Variants in BRWD3 observed in about 807,000 individuals in gnomAD.
BRWD3 encodes the protein bromodomain and WD repeat domain containing 3.
BRWD3 carries 10 observed loss-of-function variants against 149.7 expected under a neutral mutation model. The ratio of observed to expected loss-of-function variants is 0.07; its 90% CI spans 0.04 to 0.11. The LOEUF (loss-of-function observed/expected upper bound fraction) is 0.11, where lower values mean the gene tolerates loss of function less well. Ranked by LOEUF, BRWD3 falls within the 10% of genes least tolerant of loss-of-function variation. The pLI is 1.00. For missense variants in BRWD3, 940 were observed against 1,373.2 expected, an observed-to-expected ratio of 0.68 and a Z score of 4.99; for synonymous variants, 504 against 456.7, an observed-to-expected ratio of 1.10 and a Z score of -1.32.
In BRWD3 at chrX:80,692,171, G is replaced by A. The variant is rs192291441; in HGVS notation, c.3264-21C>T. ...CCCAGCTATTAAAAAATAAGAAGAT[G>A]CAAATCAAATTAATCATATAGTACT... On this transcript the variant is annotated intron_variant, in intron 28 of 40. Coordinates refer to ENST00000373275, the MANE Select transcript of BRWD3 (RefSeq NM_153252.5). The A allele has an allele frequency of 2.6e-6, 3 of 1,167,353 alleles. No individual in the cohort carries two copies. The East Asian group carries it at 8.9e-5, about 35-fold the overall frequency.
At chrX:80,706,464 A>AT (rs763900465) in intron 22 of BRWD3, among the ~76,000 whole-genome samples, 19 of 111,002 alleles carry the variant, frequency 1.7e-4, no homozygotes, top group Middle Eastern at 4.6e-3. Flanking sequence ...AAGGTTTAAA[A>AT]TTTTTTTTTA....
chrX:80,779,701 C>T (rs948608295), intron 6 of BRWD3, among the ~76,000 whole-genome samples: 2 of 111,621 alleles, frequency 1.8e-5, no homozygotes, highest in Non-Finnish European at 3.8e-5. Context: ...ACGAAAGCGA[C>T]AAAAATGAAT....
At chrX:80,735,273 T>C in intron 9 of BRWD3, 76 bp from the exon 10 acceptor site, 1 of 779,946 alleles carries the variant, frequency 1.3e-6, no homozygotes, top group Non-Finnish European at 2.0e-6. Flanking sequence ...CACTACTGGA[T>C]ACTGATCAAT....
intron 4 of BRWD3, among the ~76,000 whole-genome samples, chrX:80,808,070 G>A (rs867342292): frequency 7.7e-5 from 1 of 12,988 alleles, no homozygotes; most frequent in Non-Finnish European, 1.5e-4. Flanking sequence ...CTGCCCCCCC[G>A]CCCCCCCCAA....
At chrX:80,781,501 C>T (rs773951921) in intron 6 of BRWD3, among the ~76,000 whole-genome samples, 10 of 111,033 alleles carry the variant, frequency 9.0e-5, no homozygotes, top group Non-Finnish European at 1.7e-4. Context: ...TCTCAGTCCC[C>T]CCTCTCAACA....
intron 22 of BRWD3, among the ~76,000 whole-genome samples, chrX:80,706,892 C>A (rs1025116404): frequency 8.9e-6 from 1 of 112,457 alleles, no homozygotes. Context: ...AATGAAGAAA[C>A]CGTAATAATA....
rs183718873 is a variant in BRWD3, at chrX:80,782,701, C to T, written c.430+9153G>A. Among the ~76,000 whole-genome samples the T allele has an allele frequency of 2.4e-3, 268 of 110,645 alleles. 1 individual carries two copies. The highest frequency in any genetic ancestry group is 8.5e-3 in the African/African-American group (258 of 30,398). On this transcript the variant is annotated intron_variant, in intron 6 of 40. Coordinates refer to ENST00000373275, the MANE Select transcript of BRWD3 (RefSeq NM_153252.5). ...ATCACTTGAGGCCAGGAGTTTGAAA[C>T]CAGACTGGTTAACACAGTGAGACCC...
chrX:80,772,448 T>C (rs1331758933), intron 6 of BRWD3, among the ~76,000 whole-genome samples: 1 of 110,370 alleles, frequency 9.1e-6, no homozygotes, highest in Non-Finnish European at 1.9e-5. Flanking sequence ...GCGGGGAACA[T>C]CACACCCTGG....
At chrX:80,809,408 A>C (rs2074385854) in intron 1 of BRWD3, 33 bp downstream of exon 1, 1 of 1,066,719 alleles carries the variant, frequency 9.4e-7, no homozygotes, top group Non-Finnish European at 1.3e-6. Context: ...CCATTCCCTT[A>C]GCACCCCCCC....
chrX:80,685,569 G>GACA (rs781438726), intron 35 of BRWD3, 33 bp from the exon 36 acceptor site: 5 of 1,067,639 alleles, frequency 4.7e-6, no homozygotes, highest in Non-Finnish European at 6.5e-6. Flanking sequence ...CTGGTTTCCA[G>GACA]ACAACTATAA....
At chrX:80,795,883 T>G (rs933782302) in intron 4 of BRWD3, among the ~76,000 whole-genome samples, 1 of 110,573 alleles carries the variant, frequency 9.0e-6, no homozygotes, top group Non-Finnish European at 1.9e-5. Flanking sequence ...GTGAACTGTG[T>G]TCATGTCACT....
intron 4 of BRWD3, among the ~76,000 whole-genome samples, chrX:80,794,693 C>T (rs917445803): frequency 9.1e-6 from 1 of 110,011 alleles, no homozygotes; most frequent in African/African-American, 3.3e-5. Flanking sequence ...ACAACATTTA[C>T]ATGGCATGGC....
intron 6 of BRWD3, among the ~76,000 whole-genome samples, chrX:80,762,195 A>C (rs977313094): frequency 8.9e-6 from 1 of 111,836 alleles, no homozygotes; most frequent in African/African-American, 3.2e-5. Flanking sequence ...ACAAGCAAAC[A>C]TGTTTTGCCT....
At chrX:80,765,616 A>T (rs2073850087) in intron 6 of BRWD3, among the ~76,000 whole-genome samples, 1 of 111,903 alleles carries the variant, frequency 8.9e-6, no homozygotes, top group African/African-American at 3.2e-5. Context: ...TTTTGTAATG[A>T]GGTGTCTGTG....
intron 6 of BRWD3, among the ~76,000 whole-genome samples, chrX:80,791,057 T>G (rs2074176836): frequency 8.9e-6 from 1 of 112,270 alleles, no homozygotes; most frequent in African/African-American, 3.2e-5. Context: ...TCTAAATATA[T>G]CTTAAGAAAT....
At chrX:80,715,998 A>T (rs1164042185) in intron 20 of BRWD3, among the ~76,000 whole-genome samples, 159 bp downstream of exon 20, 1 of 111,901 alleles carries the variant, frequency 8.9e-6, no homozygotes, top group Non-Finnish European at 1.9e-5. Flanking sequence ...CTTATTAATA[A>T]TAATCATATA....
intron 37 of BRWD3, among the ~76,000 whole-genome samples, chrX:80,683,197 C>CA (rs1602300705): frequency 1.8e-5 from 2 of 110,843 alleles, no homozygotes; most frequent in African/African-American, 6.5e-5. Flanking sequence ...ACTTAAGTAA[C>CA]AAAAAATGCT....
At chrX:80,695,769 T>C (rs2072681291) in intron 27 of BRWD3, 139 bp downstream of exon 27, 1 of 508,897 alleles carries the variant, frequency 2.0e-6, no homozygotes, top group East Asian at 3.8e-5. Flanking sequence ...TAAAAGGAAA[T>C]TTTAACTTAA....
intron 40 of BRWD3, among the ~76,000 whole-genome samples, chrX:80,678,958 A>C (rs775922512): frequency 1.8e-4 from 20 of 111,725 alleles, no homozygotes; most frequent in Non-Finnish European, 3.4e-4. Context: ...ATGTTCTTAA[A>C]GGAAAAGGAA....
Sources: gnomAD v4.1 joint callset for allele counts (sites outside exome capture counted in the v4.1 genomes callset) on GRCh38, gnomAD v4.1.1 for gene constraint, MANE v1.5 for transcripts, NCBI Gene and HGNC (gene_info 2026-07-23, HGNC 2026-07-21) for gene names.